Variants in LINGO2 observed in about 807,000 individuals in gnomAD.
LINGO2 encodes the protein leucine rich repeat and Ig domain containing 2, also known as leucine-rich repeat and immunoglobulin-like domain-containing nogo receptor-interacting protein 2.
Under a neutral mutation model 30.6 loss-of-function variants are expected in LINGO2, and 14 were observed. The observed-to-expected ratio is 0.46, with a 90% CI of 0.30 to 0.72. The LOEUF (loss-of-function observed/expected upper bound fraction) is 0.72. Among genes scored for constraint, LINGO2 ranks in the 30% least tolerant of loss-of-function variants. The probability of loss-of-function intolerance (pLI) is 0.07; values close to 1 mark genes in which losing one functional copy is unlikely to be tolerated. For missense variants in LINGO2, 729 were observed against 751.7 expected (o/e 0.97, Z 0.35); for synonymous variants, 317 against 288.5 (o/e 1.10, Z -1.00).
the LINGO2 span, among the ~76,000 whole-genome samples, chr9:28,866,200 A>T: frequency 6.6e-6 from 1 of 152,290 alleles, no homozygotes; most frequent in Non-Finnish European, 1.5e-5. Context: ...TTTCCGGTGC[A>T]CTGATTATTA....
At chr9:29,177,424 G>A in the LINGO2 span, among the ~76,000 whole-genome samples, 6 of 152,208 alleles carry the variant, frequency 3.9e-5, no homozygotes, top group African/African-American at 1.2e-4. Context: ...AAATTTTACG[G>A]TAGTTAATTA....
At chr9:28,020,547 A>G (rs1463631553) in intron 4 of LINGO2, among the ~76,000 whole-genome samples, 1 of 140,972 alleles carries the variant, frequency 7.1e-6, no homozygotes, top group Non-Finnish European at 1.5e-5. Flanking sequence ...AAAACAAAAC[A>G]AAACAAAACA....
the LINGO2 span, among the ~76,000 whole-genome samples, chr9:29,022,733 G>A: frequency 6.6e-6 from 1 of 152,220 alleles, no homozygotes; most frequent in South Asian, 2.1e-4. Flanking sequence ...TAAAGAACTA[G>A]ACATGTTCTC....
chr9:28,877,256 T>C, the LINGO2 span, among the ~76,000 whole-genome samples: 1 of 152,008 alleles, frequency 6.6e-6, no homozygotes, highest in Non-Finnish European at 1.5e-5. Flanking sequence ...TTTAGTTTAA[T>C]TAGATCCCAT....
chr9:28,642,230 A>C (rs546571323), intron 1 of LINGO2, among the ~76,000 whole-genome samples: 1 of 152,276 alleles, frequency 6.6e-6, no homozygotes, highest in African/African-American at 2.4e-5. Flanking sequence ...AAAGTGAAAA[A>C]AAAAGTGTCC....
the LINGO2 span, among the ~76,000 whole-genome samples, chr9:29,161,006 A>G: frequency 7.2e-5 from 11 of 152,138 alleles, no homozygotes; most frequent in South Asian, 2.1e-4. Context: ...CGCCCAAAGA[A>G]AGAGAGAGAA....
At chr9:28,138,221 T>C (rs72724999) in intron 4 of LINGO2, among the ~76,000 whole-genome samples, 11,483 of 152,210 alleles carry the variant, frequency 0.075, 589 homozygotes, top group Middle Eastern at 0.13. Context: ...CCCCCAAAGA[T>C]TAAAGGCAAA....
intron 3 of LINGO2, among the ~76,000 whole-genome samples, chr9:28,351,435 C>T (rs1564142345): frequency 6.6e-5 from 10 of 151,722 alleles, no homozygotes; most frequent in Middle Eastern, 3.4e-3. Flanking sequence ...ATACGCTCTC[C>T]CAAGACTAAA....
the LINGO2 span, among the ~76,000 whole-genome samples, chr9:29,018,388 CCCCAAACCT>C: frequency 6.6e-6 from 1 of 151,746 alleles, no homozygotes; most frequent in African/African-American, 2.4e-5. Flanking sequence ...ATCATTTGTA[CCCCAAACCT>C]CTGCATCACA....
the LINGO2 span, among the ~76,000 whole-genome samples, chr9:28,931,802 A>G: frequency 2.0e-5 from 3 of 152,024 alleles, no homozygotes; most frequent in Non-Finnish European, 4.4e-5. Context: ...ATAAAATAAA[A>G]CAGTTGCTTC....
chr9:29,110,031 C>T, the LINGO2 span, among the ~76,000 whole-genome samples: 1 of 152,130 alleles, frequency 6.6e-6, no homozygotes, highest in African/African-American at 2.4e-5. Context: ...TTATCAGATA[C>T]CCTACCCAGG....
chr9:28,282,448 T>C (rs1170823712), intron 4 of LINGO2, among the ~76,000 whole-genome samples: 1 of 152,050 alleles, frequency 6.6e-6, no homozygotes, highest in Non-Finnish European at 1.5e-5. Context: ...ATCATGTATT[T>C]CAGAAGGTTC....
chr9:28,822,445 G>A, the LINGO2 span, among the ~76,000 whole-genome samples: 1 of 152,140 alleles, frequency 6.6e-6, no homozygotes, highest in Non-Finnish European at 1.5e-5. Context: ...TGGATTGAAG[G>A]ATGCAAAGTA....
At chr9:28,160,800 T>C (rs1013845893) in intron 4 of LINGO2, among the ~76,000 whole-genome samples, 3 of 152,212 alleles carry the variant, frequency 2.0e-5, no homozygotes, top group African/African-American at 7.2e-5. Flanking sequence ...ACGAACTGAG[T>C]ATCAGGTACT....
At chr9:28,467,014 C>G (rs898129962) in intron 2 of LINGO2, among the ~76,000 whole-genome samples, 15 of 150,986 alleles carry the variant, frequency 9.9e-5, no homozygotes, top group African/African-American at 3.7e-4. Flanking sequence ...AAAAATAACC[C>G]TAGCTGACTC....
the LINGO2 span, among the ~76,000 whole-genome samples, chr9:28,937,600 T>A: frequency 6.6e-6 from 1 of 152,078 alleles, no homozygotes; most frequent in Non-Finnish European, 1.5e-5. Flanking sequence ...TCCCACCCAC[T>A]CAGCCATGGG....
the LINGO2 span, among the ~76,000 whole-genome samples, chr9:29,196,409 G>A: frequency 0.038 from 5,730 of 151,928 alleles, 276 homozygotes; most frequent in African/African-American, 0.12. Context: ...TAGCATCACC[G>A]TCTTATTTAA....
chr9:28,714,164 A>AATATATAT, the LINGO2 span, among the ~76,000 whole-genome samples: 947 of 117,128 alleles, frequency 8.1e-3, 30 homozygotes, highest in South Asian at 0.021. Context: ...TGCCTCAAAT[A>AATATATAT]ATATATATAT....
chr9:29,188,718 C>T, the LINGO2 span, among the ~76,000 whole-genome samples: 65 of 137,436 alleles, frequency 4.7e-4, no homozygotes, highest in Middle Eastern at 3.8e-3. Flanking sequence ...CCCCCCACCT[C>T]CCTCTCGGAT....
Sources: allele counts gnomAD v4.1 joint callset (sites outside exome capture counted in the v4.1 genomes callset), GRCh38; gene constraint gnomAD v4.1.1; transcripts MANE v1.5; gene names NCBI Gene and HGNC (gene_info 2026-07-23, HGNC 2026-07-21).